CTNNA3: variants seen among roughly 807,000 people sequenced by gnomAD.
The protein encoded by CTNNA3 is catenin alpha-3.
CTNNA3 carries 76 observed loss-of-function variants against 95.7 expected under a neutral mutation model. That is an observed-to-expected ratio of 0.79 (90% confidence interval 0.66 to 0.96). The LOEUF (loss-of-function observed/expected upper bound fraction) is 0.96. Among genes scored for constraint, CTNNA3 ranks in the 40% least tolerant of loss-of-function variants. CTNNA3 has a pLI of 0.00. For missense variants in CTNNA3, 1,191 were observed against 1,089.8 expected, an observed-to-expected ratio of 1.09 and a Z score of -1.31; for synonymous variants, 431 against 374.4, an observed-to-expected ratio of 1.15 and a Z score of -1.74.
chr10:66,341,852 CA>C (rs2092456317), intron 12 of CTNNA3, among the ~76,000 whole-genome samples: 1 of 151,682 alleles, frequency 6.6e-6, no homozygotes, highest in South Asian at 2.1e-4. Flanking sequence ...GTATTAACCT[CA>C]GAAGGGGAAC....
intron 6 of CTNNA3, among the ~76,000 whole-genome samples, chr10:67,193,123 G>C (rs140908100): frequency 6.6e-6 from 1 of 151,914 alleles, no homozygotes; most frequent in East Asian, 1.9e-4. Flanking sequence ...GTGGGAAATG[G>C]GGAGATGTTG....
intron 9 of CTNNA3, among the ~76,000 whole-genome samples, chr10:66,668,805 C>A (rs1313059971): frequency 6.6e-6 from 1 of 151,708 alleles, no homozygotes; most frequent in East Asian, 1.9e-4. Flanking sequence ...GAGTCAGACC[C>A]TGTCTCAAAA....
rs558562197 is a variant in CTNNA3 at position 67,092,271 on chromosome 10, T to C, written c.1047+88046A>G. 2.0e-5 allele frequency among the ~76,000 whole-genome samples: 3 copies of C among 152,002 alleles called. No homozygotes were observed. In the South Asian group the frequency reaches 6.2e-4, roughly 32 times the overall value. ...AAATGGGAAGATTTCCCCTGTGATA[T>C]ATGAGGAGAGCATGAGAATTCTCTC... On this transcript the variant is annotated intron_variant, in intron 7 of 17. Transcript: ENST00000433211.
chr10:66,925,155 G>T (rs1846997943), intron 7 of CTNNA3, among the ~76,000 whole-genome samples: 1 of 152,104 alleles, frequency 6.6e-6, no homozygotes, highest in South Asian at 2.1e-4. Flanking sequence ...GCATAAGAAT[G>T]ACTCGCTTCT....
chr10:67,269,810 T>A (rs893179323), intron 5 of CTNNA3, among the ~76,000 whole-genome samples: 5 of 152,128 alleles, frequency 3.3e-5, no homozygotes, highest in African/African-American at 1.2e-4. Flanking sequence ...TTTATATCAA[T>A]AAATGAGTGG....
chr10:67,256,572 C>T (rs1477919569), intron 5 of CTNNA3, among the ~76,000 whole-genome samples: 2 of 152,100 alleles, frequency 1.3e-5, no homozygotes, highest in East Asian at 3.9e-4. Context: ...ACTGCTTTTT[C>T]CCTAAAGTCT....
chr10:67,313,443 AAAT>A (rs1564558480), intron 5 of CTNNA3, among the ~76,000 whole-genome samples: 13 of 145,160 alleles, frequency 9.0e-5, no homozygotes, highest in East Asian at 6.0e-4. Context: ...AAAAAAAAAA[AAAT>A]AATAATAATA....
intron 9 of CTNNA3, among the ~76,000 whole-genome samples, chr10:66,723,913 T>G (rs1848704391): frequency 6.6e-6 from 1 of 152,172 alleles, no homozygotes; most frequent in Non-Finnish European, 1.5e-5. Context: ...GTCTCATAAA[T>G]CAGACTTGAA....
Position 67,623,504 on chromosome 10 carries a change from G to C in CTNNA3, c.100-16455C>G, listed in dbSNP as rs186021217. Among the ~76,000 whole-genome samples the C allele has an allele frequency of 3.7e-3, 568 of 152,274 alleles. 2 individuals are homozygous for C. The highest frequency in any genetic ancestry group is 0.031 in the Middle Eastern group (9 of 294). Reference sequence around the variant, plus strand: ...TTCTTCATAGGAGCCAGGCAGGAAAGAAAAACATGGTGCTTGGAAAAGCTA... The same window carrying C: ...TTCTTCATAGGAGCCAGGCAGGAAACAAAAACATGGTGCTTGGAAAAGCTA... On this transcript the variant is annotated intron_variant, in intron 2 of 17. Coordinates refer to ENST00000433211, the MANE Select transcript of CTNNA3 (RefSeq NM_013266.4).
At chr10:66,455,741 C>T (rs967759200) in intron 11 of CTNNA3, among the ~76,000 whole-genome samples, 16 of 152,150 alleles carry the variant, frequency 1.1e-4, no homozygotes, top group Non-Finnish European at 8.8e-5. Context: ...TGTCATTCTG[C>T]GGTACACTGA....
intron 7 of CTNNA3, among the ~76,000 whole-genome samples, chr10:66,955,667 A>C (rs929473753): frequency 2.6e-5 from 4 of 152,194 alleles, no homozygotes; most frequent in Non-Finnish European, 5.9e-5. Flanking sequence ...AGAATTTATA[A>C]GAGCAAGACT....
chr10:67,430,870 C>T (rs180815090), intron 5 of CTNNA3, among the ~76,000 whole-genome samples: 12 of 150,916 alleles, frequency 8.0e-5, no homozygotes, highest in African/African-American at 2.7e-4. Context: ...CACATTTCGC[C>T]TAAAAAGAAA....
chr10:66,177,962 T>C (rs929436681), intron 13 of CTNNA3, among the ~76,000 whole-genome samples: 2 of 151,980 alleles, frequency 1.3e-5, no homozygotes, highest in African/African-American at 2.4e-5. Flanking sequence ...TCTTTTTTCA[T>C]GAACATTTAT....
intron 11 of CTNNA3, among the ~76,000 whole-genome samples, chr10:66,418,830 A>C (rs1407925708): frequency 6.6e-6 from 1 of 152,160 alleles, no homozygotes; most frequent in Non-Finnish European, 1.5e-5. Context: ...ACATACCTTC[A>C]TGATAAAAAA....
At chr10:66,806,511 A>G (rs1165282122) in intron 7 of CTNNA3, among the ~76,000 whole-genome samples, 1 of 151,958 alleles carries the variant, frequency 6.6e-6, no homozygotes, top group African/African-American at 2.4e-5. Context: ...ATTGTGCTAA[A>G]AATTGTTTTG....
At chr10:66,772,029 A>G (rs916610047) in intron 8 of CTNNA3, among the ~76,000 whole-genome samples, 1 of 40,828 alleles carries the variant, frequency 2.4e-5, no homozygotes. Flanking sequence ...TGAGTGGGGA[A>G]GGCATCAAGC....
chr10:67,461,812 A>G (rs1247457728), intron 5 of CTNNA3, among the ~76,000 whole-genome samples: 1 of 152,204 alleles, frequency 6.6e-6, no homozygotes, highest in Non-Finnish European at 1.5e-5. Flanking sequence ...TTCATTAAAC[A>G]TCCAGCAACA....
chr10:67,022,981 T>C (rs1853125578), intron 7 of CTNNA3, among the ~76,000 whole-genome samples: 2 of 151,994 alleles, frequency 1.3e-5, no homozygotes, highest in South Asian at 4.1e-4. Context: ...CAAAATTTTC[T>C]GAGTGAAATT....
rs901521466 is a variant in CTNNA3, at chr10:66,848,800, T to A, written c.1048-73276A>T. Among the ~76,000 whole-genome samples, 61 of 152,194 alleles carry A rather than the reference T, an allele frequency of 4.0e-4. 4 individuals carry two copies. ...TATTTTCGTGTGTCCTTGAGGAGTA[T>A]CTATGCTGCAATATTAATTCTGGAA... On this transcript the variant is annotated intron_variant, in intron 7 of 17. Transcript: ENST00000433211.
Sources: allele counts gnomAD v4.1 joint callset (sites outside exome capture counted in the v4.1 genomes callset), GRCh38; gene constraint gnomAD v4.1.1; transcripts MANE v1.5; gene names NCBI Gene and HGNC (gene_info 2026-07-23, HGNC 2026-07-21).